The following RBM43 variants were observed in gnomAD, a reference collection of about 807,000 sequenced individuals.
RBM43 encodes the protein RNA-binding protein 43.
RBM43 carries 12 observed loss-of-function variants against 12.4 expected under a neutral mutation model. The observed-to-expected ratio is 0.97, with a 90% confidence interval of 0.62 to 1.57. The LOEUF is 1.57. Among genes scored for constraint, RBM43 ranks in the 40% most tolerant of loss-of-function variants. The probability of loss-of-function intolerance (pLI) is 0.00; values close to 1 mark genes in which losing one functional copy is unlikely to be tolerated. For missense variants in RBM43, 348 were observed against 400.1 expected (o/e 0.87, Z 1.11); for synonymous variants, 138 against 145.7 (o/e 0.95, Z 0.38).
chr2:151,248,277 ATGC>A lies in RBM43; in HGVS notation c.*2626_*2628del, dbSNP rs1682845396. 1 of 152,174 alleles carries A rather than the reference ATGC, an allele frequency of 6.6e-6. No homozygotes were observed. The highest frequency in any genetic ancestry group is 1.5e-5 in the Non-Finnish European group (1 of 68,012). The allele number at this position is 152,174 out of a possible 1,614,324, so 9.4% of individuals were successfully genotyped here. A position where few individuals can be genotyped will look rare whatever the true frequency, so the allele number is the denominator to read the frequency against. ...CAATTCTTTGTCATTGAAGATAAAA[ATGC>A]TGCTATTCTTTTTTGTATAGGGAGG... On this transcript the variant is annotated 3_prime_UTR_variant, in exon 4 of 4. Transcript: ENST00000331426.
In RBM43 at chr2:151,251,204, A is replaced by G; in HGVS notation, c.776T>C (p.Ile259Thr). ...QEKVDGEITT[I>T]CLKSIQVGSQ... is the part of the protein sequence containing the mutation. The stretch of plus-strand genomic sequence containing the variant: ...ACCAACTTGAATGCTTTTTAGACAA[A>G]TTGTGGTGATTTCACCATCCACTTT... The change falls in exon 4 of 4, where the codon ATT (isoleucine) becomes ACT (threonine). Residue 259 changes from isoleucine to threonine, a missense_variant. Ile to Thr is a moderately conservative substitution (Grantham distance 89, BLOSUM62 -1). Coordinates refer to ENST00000331426, the MANE Select transcript of RBM43 (RefSeq NM_198557.3). 1 of 1,613,932 alleles carries G rather than the reference A, an allele frequency of 6.2e-7. No homozygotes were observed. The highest frequency in any genetic ancestry group is 8.5e-7 in the Non-Finnish European group (1 of 1,180,028).
intron 1 of RBM43, 111 bp downstream of exon 1, chr2:151,261,614 C>T (rs1233320294): frequency 6.5e-7 from 1 of 1,541,874 alleles, no homozygotes; most frequent in Non-Finnish European, 8.7e-7. Context: ...CCCCCTCCCG[C>T]GCAGCCCTGC....
At position 151,251,497 on chromosome 2, in the gene RBM43, C is replaced by A. The variant is rs867314999; in HGVS notation, c.483G>T (p.Arg161Ser). Residue 161 changes from arginine to serine, a missense_variant, in exon 4 of 4, where the codon AGG (arginine) becomes AGT (serine). Arg to Ser is a moderately radical substitution (Grantham distance 110, BLOSUM62 -1). Transcript: ENST00000331426. ...CTCTTGCTAGCAAAGATTCTCTGAG[C>A]CTCTTGACAGCCAGAAATGATCCTT... ...SVEGSFLAVK[R>S]LRESLLARAC... is the part of the protein sequence containing the mutation. 6.2e-7 allele frequency: 1 copy of A among 1,614,040 alleles called. No homozygotes were observed. The highest frequency in any genetic ancestry group is 1.3e-5 in the African/African-American group (1 of 74,918).
At chr2:151,254,267 T>C (rs1682945400) in intron 2 of RBM43, among the ~76,000 whole-genome samples, 1 of 150,682 alleles carries the variant, frequency 6.6e-6, no homozygotes, top group Admixed American at 6.7e-5. Flanking sequence ...AAAATATTTA[T>C]GAATGAATGA....
At position 151,251,375 on chromosome 2, in the gene RBM43, G is replaced by A. The variant is rs1682900964; in HGVS notation, c.605C>T (p.Ser202Phe). ...PQRNLQRSNN[S>F]LASVRTLVPE... Reference sequence around the variant, plus strand: ...TACTAAGGTCCTGACTGATGCCAAAGAGTTATTACTTCTCTGTAGATTCCT... The same window carrying A: ...TACTAAGGTCCTGACTGATGCCAAAAAGTTATTACTTCTCTGTAGATTCCT... The change falls in exon 4 of 4, where the codon TCT becomes TTT. Residue 202 changes from serine to phenylalanine, a missense_variant. Transcript: ENST00000331426. 3 of 1,614,172 alleles carry A rather than the reference G, an allele frequency of 1.9e-6. No individual in the cohort carries two copies. In the East Asian group the frequency reaches 6.7e-5, roughly 36 times the overall value.
rs989208983 is a variant in RBM43, at chr2:151,249,170, A to G, written c.*1736T>C. The G allele has an allele frequency of 2.0e-5, 3 of 152,204 alleles. No homozygotes were observed. The highest frequency in any genetic ancestry group is 4.8e-5 in the African/African-American group (2 of 41,446). 9.4% of individuals were successfully genotyped at this position (152,204 alleles called of 1,614,324 possible). On this transcript the variant is annotated 3_prime_UTR_variant, in exon 4 of 4. Transcript: ENST00000331426. ...CCTCATGCCATAACTCCAAAGGCCA[A>G]TGATTCTCCATGAGGTGAGTCAGCT...
Position 151,261,857 on chromosome 2 carries a change from G to A in RBM43, c.-130C>T, listed in dbSNP as rs931005275. On this transcript the variant is annotated 5_prime_UTR_variant, in exon 1 of 4. Transcript: ENST00000331426. The stretch of plus-strand genomic sequence containing the variant: ...TTCCAGCTCCCTTGGAGGCTACGAA[G>A]AAAAGGGCGGTCCTTCCACCCGATC... 5 of 1,101,824 alleles carry A rather than the reference G, an allele frequency of 4.5e-6. No individual in the cohort carries two copies. The highest frequency in any genetic ancestry group is 5.2e-6 in the Non-Finnish European group (4 of 768,256). 68.3% of individuals were successfully genotyped at this position (1,101,824 alleles called of 1,614,324 possible).
rs370673309 is a variant in RBM43, at chr2:151,258,068, T to TA, written c.4-2326dup. Among the ~76,000 whole-genome samples the TA allele has an allele frequency of 7.9e-3, 1,127 of 143,376 alleles. 25 individuals are homozygous for TA. In the East Asian group the frequency reaches 0.091, roughly 12 times the overall value. 94.1% of individuals were successfully genotyped at this position (143,376 alleles called of 152,430 possible). ...TGGACGACAAGAGCAAAACTCCATC[T>TA]AAAAAAAAAAGAAAGAAAGAAAAAG... On this transcript the variant is annotated intron_variant, in intron 1 of 3. Coordinates refer to ENST00000331426, the MANE Select transcript of RBM43 (RefSeq NM_198557.3).
At chr2:151,253,651 A>G (rs1318094934) in intron 2 of RBM43, among the ~76,000 whole-genome samples, 2 of 152,200 alleles carry the variant, frequency 1.3e-5, no homozygotes, top group African/African-American at 2.4e-5. Flanking sequence ...TTGCTCATTT[A>G]AGAAAAGGCA....
Position 151,261,336 on chromosome 2 carries a change from C to G in RBM43, c.3+389G>C, listed in dbSNP as rs1357317997. The stretch of plus-strand genomic sequence containing the variant: ...CAGGCCACTTTTGTTCCCCCCGAGG[C>G]GTGGGAGGACAACAGTTAAGCCCTA... On this transcript the variant is annotated intron_variant, in intron 1 of 3. Transcript: ENST00000331426. 1.2e-5 allele frequency: 19 copies of G among 1,550,602 alleles called. No individual in the cohort carries two copies. In the East Asian group the frequency reaches 3.9e-4, roughly 32 times the overall value.
intron 1 of RBM43, among the ~76,000 whole-genome samples, chr2:151,256,398 A>C (rs1432093557): frequency 6.6e-6 from 1 of 152,242 alleles, no homozygotes; most frequent in Non-Finnish European, 1.5e-5. Context: ...AAGTCAAACT[A>C]ACCACAAAAT....
chr2:151,249,924 G>A lies in RBM43; in HGVS notation c.*982C>T, dbSNP rs922440137. On this transcript the variant is annotated 3_prime_UTR_variant, in exon 4 of 4. Coordinates refer to ENST00000331426, the MANE Select transcript of RBM43 (RefSeq NM_198557.3). ...AAGTACTTTTTCCCCCTAGCTTCTT[G>A]AGTCTGTTTTAGTTGGATGTGACAA... 1 of 152,160 alleles carries A rather than the reference G, an allele frequency of 6.6e-6. No homozygotes were observed. Among genetic ancestry groups the A allele is most frequent in the Non-Finnish European group, 1.5e-5 (1 of 68,036 alleles). 9.4% of individuals were successfully genotyped at this position (152,160 alleles called of 1,614,324 possible).
intron 1 of RBM43, 176 bp downstream of exon 1, chr2:151,261,549 C>G (rs111680131): frequency 6.5e-7 from 1 of 1,544,100 alleles, no homozygotes; most frequent in Admixed American, 2.0e-5. Context: ...GTTTGCCCGC[C>G]GGGGTGGACG....
rs371553557 is a variant in RBM43 at position 151,252,749 on chromosome 2, C to T, written c.315+6G>A. On this transcript the variant is annotated splice_donor_region_variant and intron_variant, in intron 3 of 3. Transcript: ENST00000331426. Reference sequence around the variant, plus strand: ...CTATCAGTACACCTACAGCATCACACCTTACCTTGTCACCAAAATGAGAGA... The same window carrying T: ...CTATCAGTACACCTACAGCATCACATCTTACCTTGTCACCAAAATGAGAGA... 2.7e-4 allele frequency: 414 copies of T among 1,530,912 alleles called. No individual in the cohort carries two copies. Among genetic ancestry groups the T allele is most frequent in the Non-Finnish European group, 3.7e-4 (405 of 1,104,716 alleles). 94.8% of individuals were successfully genotyped at this position (1,530,912 alleles called of 1,614,324 possible).
rs1365023449 is a variant in RBM43, at chr2:151,252,802, G to A, written c.268C>T (p.His90Tyr). The A allele has an allele frequency of 6.2e-7, 1 of 1,611,958 alleles. No homozygotes were observed. Among genetic ancestry groups the A allele is most frequent in the Admixed American group, 1.7e-5 (1 of 60,024 alleles). ...CTGAGAGAGACTGTGAGTTCAGCAT[G>A]TCTAGTCTTCCTTGCTAGCCAGTGT... ...KKHWLARKTR[H>Y]AELTVSLRVS... Residue 90 changes from histidine to tyrosine, a missense_variant, in exon 3 of 4, where the codon CAT becomes TAT. Transcript: ENST00000331426.
chr2:151,260,245 C>T lies in RBM43; in HGVS notation c.3+1480G>A, dbSNP rs147678551. 9.5e-3 allele frequency among the ~76,000 whole-genome samples: 1,436 copies of T among 151,896 alleles called. 31 individuals carry two copies. Among genetic ancestry groups the T allele is most frequent in the African/African-American group, 0.033 (1,376 of 41,248 alleles). On this transcript the variant is annotated intron_variant, in intron 1 of 3. Transcript: ENST00000331426. ...GGCTCAAGTGATCCTCCCACCTCAG[C>T]CTCCCCAGTAGCTGAGACTACAGGT...
Position 151,258,167 on chromosome 2 carries a change from G to T in RBM43, c.4-2424C>A, listed in dbSNP as rs1208045151. Among the ~76,000 whole-genome samples, 4 of 151,996 alleles carry T rather than the reference G, an allele frequency of 2.6e-5. No homozygotes were observed. In the East Asian group the frequency reaches 7.7e-4, roughly 29 times the overall value. On this transcript the variant is annotated intron_variant, in intron 1 of 3. Coordinates refer to ENST00000331426, the MANE Select transcript of RBM43 (RefSeq NM_198557.3). ...GCTAACTCAGAATATGCAAAAGGGGGTTATAGTGAACAGGTGACGACTTTC... is the reference window on the plus strand; with the variant it reads ...GCTAACTCAGAATATGCAAAAGGGGTTTATAGTGAACAGGTGACGACTTTC...
At position 151,261,777 on chromosome 2, in the gene RBM43, G is replaced by A. The variant is rs1379484842; in HGVS notation, c.-50C>T. The A allele has an allele frequency of 1.3e-6, 2 of 1,587,628 alleles. No homozygotes were observed. Among genetic ancestry groups the A allele is most frequent in the Admixed American group, 1.8e-5 (1 of 54,780 alleles). Reference sequence around the variant, plus strand: ...CGGCCGCAGAAAGCCCACAACCAGCGGAACGCAGGCGATGGGGAGAGGAGC... The same window carrying A: ...CGGCCGCAGAAAGCCCACAACCAGCAGAACGCAGGCGATGGGGAGAGGAGC... On this transcript the variant is annotated 5_prime_UTR_variant, in exon 1 of 4. Transcript: ENST00000331426.
rs374433455 is a variant in RBM43 at position 151,251,027 on chromosome 2, G to A, written c.953C>T (p.Ser318Leu). The A allele has an allele frequency of 1.1e-5, 17 of 1,613,782 alleles. No individual in the cohort carries two copies. The highest frequency in any genetic ancestry group is 6.6e-5 in the South Asian group (6 of 91,078). ...GTTAATCAGGACTTCAAGGTATCTC[G>A]AACTTAATTGTTCACATGCCCTTTT... ...MIKRACEQLS[S>L]RYLEVLINLY... Residue 318 changes from serine (S) to leucine (L), a missense_variant, in exon 4 of 4, where the codon TCG becomes TTG. Ser to Leu is a moderately radical substitution (Grantham distance 145). Transcript: ENST00000331426.
Sources: allele counts gnomAD v4.1 joint callset (sites outside exome capture counted in the v4.1 genomes callset), GRCh38; gene constraint gnomAD v4.1.1; transcripts MANE v1.5; gene names NCBI Gene and HGNC (gene_info 2026-07-23, HGNC 2026-07-21).